The following TRPC1 variants were observed in gnomAD, a reference collection of about 807,000 sequenced individuals.
TRPC1 encodes transient receptor potential cation channel subfamily C member 1.
TRPC1 carries 42 observed loss-of-function variants against 88.2 expected under a neutral mutation model. The ratio of observed to expected loss-of-function variants is 0.48; its 90% CI spans 0.37 to 0.62. The LOEUF (loss-of-function observed/expected upper bound fraction) is 0.62. Ranked by LOEUF, TRPC1 falls within the 20% of genes least tolerant of loss-of-function variation. The pLI is 0.00. For synonymous variants in TRPC1, 288 were observed against 331.8 expected, an observed-to-expected ratio of 0.87 and a Z score of 1.43; for missense variants, 699 against 957.3, an observed-to-expected ratio of 0.73 and a Z score of 3.56.
intron 4 of TRPC1, among the ~76,000 whole-genome samples, chr3:142,757,232 T>C (rs1577967576): frequency 2.3e-5 from 1 of 42,676 alleles, no homozygotes; most frequent in Admixed American, 1.5e-4. Flanking sequence ...TTCTTTTGGA[T>C]ATATATATAT....
At chr3:142,804,662 A>G (rs372982222) in intron 12 of TRPC1, 32 bp downstream of exon 12, 6 of 1,558,386 alleles carry the variant, frequency 3.9e-6, no homozygotes, top group Non-Finnish European at 5.2e-6. Context: ...TGGCAACATA[A>G]AAGTTTTAAC....
At chr3:142,754,554 CA>C (rs1050297773) in intron 4 of TRPC1, among the ~76,000 whole-genome samples, 2 of 152,012 alleles carry the variant, frequency 1.3e-5, no homozygotes, top group African/African-American at 2.4e-5. Flanking sequence ...AAATAAAAAA[CA>C]AAAATTTAAT....
At chr3:142,788,250 C>G (rs1407135257) in intron 7 of TRPC1, among the ~76,000 whole-genome samples, 1 of 152,026 alleles carries the variant, frequency 6.6e-6, no homozygotes, top group African/African-American at 2.4e-5. Flanking sequence ...GGAGGGAGAC[C>G]AATATCGATG....
In TRPC1 at chr3:142,797,175, GTTT is replaced by G. The variant is rs200039380; in HGVS notation, c.1581+4220_1581+4222del. 3.7e-5 allele frequency among the ~76,000 whole-genome samples: 5 copies of G among 136,386 alleles called. No homozygotes were observed. In the South Asian group the frequency reaches 9.5e-4, roughly 26 times the overall value. 89.5% of individuals were successfully genotyped at this position (136,386 alleles called of 152,430 possible). On this transcript the variant is annotated intron_variant, in intron 9 of 12. Coordinates refer to ENST00000476941, the MANE Select transcript of TRPC1 (RefSeq NM_001251845.2). ...AGAGAAACTAAGTGGAAAAAAGGTTGTTTTTTTTTTTTTTGGAGGGGAATAAAT... is the reference window on the plus strand; with the variant it reads ...AGAGAAACTAAGTGGAAAAAAGGTTGTTTTTTTTTTTGGAGGGGAATAAAT...
In TRPC1 at chr3:142,806,062, T is replaced by C; in HGVS notation, c.2209T>C (p.Cys737Arg). ...RDENYQKVMC[C>R]LVHRYLTSMR... Reference sequence around the variant, plus strand: ...TGAAAACTATCAAAAAGTGATGTGCTGCCTAGTGCATCGTTACTTGACTTC... The same window carrying C: ...TGAAAACTATCAAAAAGTGATGTGCCGCCTAGTGCATCGTTACTTGACTTC... The change falls in exon 13 of 13, where the codon TGC (cysteine) becomes CGC (arginine). Residue 737 changes from cysteine to arginine, a missense_variant. Around this residue, in one of 4 missense-constraint regions of TRPC1, gnomAD observed 105 missense variants for 141.7 expected, o/e 0.74. Transcript: ENST00000476941. 6.2e-7 allele frequency: 1 copy of C among 1,613,954 alleles called. No individual in the cohort carries two copies. The highest frequency in any genetic ancestry group is 1.1e-5 in the South Asian group (1 of 91,070).
intron 10 of TRPC1, 67 bp downstream of exon 10, chr3:142,802,411 A>G: frequency 1.3e-5 from 14 of 1,111,802 alleles, no homozygotes; most frequent in Non-Finnish European, 1.4e-5. Context: ...TTCTATATGA[A>G]TTAGTATCTA....
chr3:142,777,817 G>T, intron 5 of TRPC1, 54 bp downstream of exon 5: 1 of 1,516,718 alleles, frequency 6.6e-7, no homozygotes, highest in Non-Finnish European at 8.9e-7. Flanking sequence ...TTCAACCTCA[G>T]TTTCTTCATT....
intron 4 of TRPC1, among the ~76,000 whole-genome samples, chr3:142,758,290 T>C (rs1478699400): frequency 6.6e-6 from 1 of 152,190 alleles, no homozygotes; most frequent in African/African-American, 2.4e-5. Flanking sequence ...CATCTTTGCT[T>C]GCATTTGTTA....
At chr3:142,752,292 A>T (rs1934793769) in intron 4 of TRPC1, among the ~76,000 whole-genome samples, 3 of 152,226 alleles carry the variant, frequency 2.0e-5, no homozygotes, top group Non-Finnish European at 4.4e-5. Context: ...AATAAGGAGA[A>T]GGTCAACAAA....
At chr3:142,761,644 G>A (rs1577971975) in intron 4 of TRPC1, among the ~76,000 whole-genome samples, 1 of 152,086 alleles carries the variant, frequency 6.6e-6, no homozygotes, top group African/African-American at 2.4e-5. Context: ...TTTGAGTAAG[G>A]TTGGTATTAG....
At chr3:142,799,713 C>A (rs182882413) in intron 9 of TRPC1, among the ~76,000 whole-genome samples, 46 of 152,056 alleles carry the variant, frequency 3.0e-4, no homozygotes, top group African/African-American at 1.1e-3. Flanking sequence ...GTGGGGAGGA[C>A]TGCTGAAGCC....
chr3:142,743,373 C>G (rs1431101407), intron 2 of TRPC1, 112 bp from the exon 3 acceptor site: 2 of 762,428 alleles, frequency 2.6e-6, no homozygotes, highest in African/African-American at 3.6e-5. Flanking sequence ...TTTTGTATTA[C>G]TGTATATAAT....
chr3:142,751,526 TAAC>T, intron 4 of TRPC1, among the ~76,000 whole-genome samples: 1 of 152,326 alleles, frequency 6.6e-6, no homozygotes, highest in African/African-American at 2.4e-5. Context: ...TGAAGTTGTC[TAAC>T]AACACATTTC....
At chr3:142,730,505 A>T (rs1430517488) in intron 1 of TRPC1, among the ~76,000 whole-genome samples, 1 of 152,044 alleles carries the variant, frequency 6.6e-6, no homozygotes, top group African/African-American at 2.4e-5. Context: ...GGTTTCATTT[A>T]CAATAATATG....
At chr3:142,770,592 C>T (rs6777735) in intron 4 of TRPC1, among the ~76,000 whole-genome samples, 10,657 of 152,156 alleles carry the variant, frequency 0.07, 1,216 homozygotes, top group African/African-American at 0.24. Flanking sequence ...CTTCTGTAGA[C>T]AACATATAAT....
chr3:142,737,354 G>C (rs114372289), intron 2 of TRPC1, among the ~76,000 whole-genome samples: 5 of 150,290 alleles, frequency 3.3e-5, no homozygotes, highest in African/African-American at 1.2e-4. Context: ...ATGTATGTAT[G>C]TATGTATAAA....
intron 4 of TRPC1, among the ~76,000 whole-genome samples, chr3:142,777,205 G>C (rs1407739815): frequency 6.6e-6 from 1 of 152,134 alleles, no homozygotes; most frequent in Non-Finnish European, 1.5e-5. Flanking sequence ...CAAGGCTGAA[G>C]TGGGAGGATC....
chr3:142,754,539 A>T (rs547538895), intron 4 of TRPC1, among the ~76,000 whole-genome samples: 102 of 152,356 alleles, frequency 6.7e-4, no homozygotes, highest in African/African-American at 2.4e-3. Context: ...ATAATAAAAA[A>T]ATAAAAATAA....
chr3:142,757,289 T>G (rs983718200), intron 4 of TRPC1, among the ~76,000 whole-genome samples: 7 of 151,958 alleles, frequency 4.6e-5, no homozygotes, highest in African/African-American at 1.7e-4. Flanking sequence ...GTTCTTTTTT[T>G]TAAAAAAAAA....
Sources: gnomAD v4.1 joint callset for allele counts (sites outside exome capture counted in the v4.1 genomes callset) on GRCh38, gnomAD v4.1.1 for gene constraint, gnomAD v4.1.1 regional missense constraint, MANE v1.5 for transcripts, NCBI Gene and HGNC (gene_info 2026-07-23, HGNC 2026-07-21) for gene names.